Variants in PLEKHA7 observed in about 807,000 individuals in gnomAD.
PLEKHA7 encodes the protein pleckstrin homology domain containing A7, also known as pleckstrin homology domain-containing family A member 7.
In PLEKHA7, 104 loss-of-function variants were observed where a neutral mutation model predicts 170.0. That is an observed-to-expected ratio of 0.61 (90% CI 0.52 to 0.72). PLEKHA7 has a LOEUF of 0.72. Among genes scored for constraint, PLEKHA7 ranks in the 30% least tolerant of loss-of-function variants. The pLI, the probability that PLEKHA7 is intolerant of heterozygous loss-of-function variation, is 0.00. For synonymous variants in PLEKHA7, 648 were observed against 660.8 expected (o/e 0.98, Z 0.30); for missense variants, 1,615 against 1,671.7 (o/e 0.97, Z 0.59).
intron 3 of PLEKHA7, among the ~76,000 whole-genome samples, chr11:16,964,335 A>C (rs1016573229): frequency 6.6e-6 from 1 of 152,234 alleles, no homozygotes; most frequent in Non-Finnish European, 1.5e-5. Flanking sequence ...ATATACCTAG[A>C]CATGAAATGG....
chr11:16,971,937 C>T (rs773419921), intron 3 of PLEKHA7, among the ~76,000 whole-genome samples: 1 of 151,924 alleles, frequency 6.6e-6, no homozygotes, highest in African/African-American at 2.4e-5. Context: ...GATTCTCATG[C>T]CTCAGCCTCC....
intron 3 of PLEKHA7, among the ~76,000 whole-genome samples, chr11:16,977,484 G>A (rs934605859): frequency 3.3e-5 from 5 of 152,004 alleles, no homozygotes; most frequent in Non-Finnish European, 5.9e-5. Flanking sequence ...TATCCCTCCC[G>A]ATCCCCTGGT....
At chr11:16,880,421 C>T (rs1375431328) in intron 3 of PLEKHA7, among the ~76,000 whole-genome samples, 1 of 152,214 alleles carries the variant, frequency 6.6e-6, no homozygotes, top group African/African-American at 2.4e-5. Context: ...GATAACATCC[C>T]AGCCCACAGT....
intron 3 of PLEKHA7, among the ~76,000 whole-genome samples, chr11:16,921,004 A>G (rs1286331317): frequency 6.6e-6 from 1 of 152,226 alleles, no homozygotes; most frequent in Non-Finnish European, 1.5e-5. Context: ...AGTAATGAGA[A>G]TGAATTCGGG....
Position 16,789,884 on chromosome 11 carries a change from T to G in PLEKHA7, c.3053-6A>C. 1 of 1,612,768 alleles carries G rather than the reference T, an allele frequency of 6.2e-7. No individual in the cohort carries two copies. The highest frequency in any genetic ancestry group is 8.5e-7 in the Non-Finnish European group (1 of 1,178,842). On this transcript the variant is annotated splice_polypyrimidine_tract_variant and splice_region_variant and intron_variant, in intron 21 of 26. Transcript: ENST00000531066. This position sits in a 1 kb window ranked among gnomAD's most constrained non-coding sequence, Gnocchi z 4.6. The stretch of plus-strand genomic sequence containing the variant: ...TGACGTGGACCCTGAGAGCCCTTAG[T>G]GAGGAAAGAGAAGTGCAAGCATGTT...
chr11:16,965,153 A>T (rs899588050), intron 3 of PLEKHA7, among the ~76,000 whole-genome samples: 1 of 137,152 alleles, frequency 7.3e-6, no homozygotes, highest in Non-Finnish European at 1.7e-5. Context: ...TACAAAATAT[A>T]CAAAAAAAAA....
intron 3 of PLEKHA7, among the ~76,000 whole-genome samples, chr11:17,006,195 C>T (rs941565748): frequency 2.5e-5 from 3 of 122,396 alleles, no homozygotes; most frequent in Admixed American, 2.4e-4. Context: ...ACATGTGAAA[C>T]CCCGTCTCTA....
At chr11:16,987,625 A>T (rs751879853) in intron 3 of PLEKHA7, among the ~76,000 whole-genome samples, 1 of 152,244 alleles carries the variant, frequency 6.6e-6, no homozygotes, top group East Asian at 1.9e-4. Flanking sequence ...GCCTCCCAGG[A>T]ACTCCTTACC....
In PLEKHA7 at chr11:16,795,130, C is replaced by G. The variant is rs950335415; in HGVS notation, c.2410-112G>C. 22 of 761,300 alleles carry G rather than the reference C, an allele frequency of 2.9e-5. No individual in the cohort carries two copies. The South Asian group carries it at 3.4e-4, about 12-fold the overall frequency. 47.2% of individuals were successfully genotyped at this position (761,300 alleles called of 1,614,324 possible). The stretch of plus-strand genomic sequence containing the variant: ...CCCGCCCTGAGGGGCAGCATCCCCT[C>G]TGGAAACCCCACTAGTGCTAGAACC... On this transcript the variant is annotated intron_variant, in intron 17 of 26. Transcript: ENST00000531066.
chr11:16,803,617 C>G, intron 13 of PLEKHA7: 1 of 318,190 alleles, frequency 3.1e-6, no homozygotes, highest in Non-Finnish European at 6.0e-6. Flanking sequence ...CAGCATGAAT[C>G]TTGGAAGATT....
At chr11:16,931,914 T>C (rs1859966217) in intron 3 of PLEKHA7, among the ~76,000 whole-genome samples, 3 of 152,172 alleles carry the variant, frequency 2.0e-5, no homozygotes, top group South Asian at 2.1e-4. Flanking sequence ...AAAGAAAGCA[T>C]TGGCCACACA....
At chr11:16,949,027 C>T (rs953923837) in intron 3 of PLEKHA7, among the ~76,000 whole-genome samples, 2 of 152,172 alleles carry the variant, frequency 1.3e-5, no homozygotes, top group Non-Finnish European at 2.9e-5. Context: ...ACTCAGACAA[C>T]CCAGACCCCT....
chr11:16,987,686 C>T (rs1353974156), intron 3 of PLEKHA7, among the ~76,000 whole-genome samples: 2 of 152,192 alleles, frequency 1.3e-5, no homozygotes, highest in Non-Finnish European at 2.9e-5. Flanking sequence ...CCTTTGCCTG[C>T]TCCTTTTCCT....
At chr11:16,803,380 G>T in intron 13 of PLEKHA7, 85 bp from the exon 14 acceptor site, 3 of 1,388,782 alleles carry the variant, frequency 2.2e-6, no homozygotes, top group Non-Finnish European at 3.1e-6. Flanking sequence ...ATAATGGATG[G>T]TGTGGAAGTC....
chr11:16,919,038 C>G (rs1274359716), intron 3 of PLEKHA7, among the ~76,000 whole-genome samples: 1 of 152,100 alleles, frequency 6.6e-6, no homozygotes, highest in African/African-American at 2.4e-5. Flanking sequence ...TGATGAAACC[C>G]CATCTCTACT....
At chr11:16,978,935 T>A (rs1213042069) in intron 3 of PLEKHA7, among the ~76,000 whole-genome samples, 1 of 152,206 alleles carries the variant, frequency 6.6e-6, no homozygotes, top group African/African-American at 2.4e-5. Flanking sequence ...CAGGCCTGTA[T>A]CATCTCTCAT....
chr11:16,984,364 T>A (rs975673060), intron 3 of PLEKHA7, among the ~76,000 whole-genome samples: 1 of 152,190 alleles, frequency 6.6e-6, no homozygotes, highest in Non-Finnish European at 1.5e-5. Flanking sequence ...AAAAGTCAGA[T>A]CATGCCACTC....
intron 26 of PLEKHA7, chr11:16,781,267 C>G (rs766461965): frequency 1.3e-5 from 2 of 152,730 alleles, no homozygotes; most frequent in Non-Finnish European, 2.9e-5. Flanking sequence ...TGGAGAGAGG[C>G]ATCAAGAGTG....
At chr11:16,972,385 G>T (rs973035176) in intron 3 of PLEKHA7, among the ~76,000 whole-genome samples, 2 of 151,976 alleles carry the variant, frequency 1.3e-5, no homozygotes, top group African/African-American at 4.8e-5. Flanking sequence ...GCCTCCCAAA[G>T]TGCTGGGATT....
Sources: allele counts gnomAD v4.1 joint callset (sites outside exome capture counted in the v4.1 genomes callset), GRCh38; gene constraint gnomAD v4.1.1; non-coding constraint Gnocchi (gnomAD v3.1); transcripts MANE v1.5; gene names NCBI Gene and HGNC (gene_info 2026-07-23, HGNC 2026-07-21).